Variants in TRNAU1AP observed in about 807,000 individuals in gnomAD.
The protein encoded by TRNAU1AP is tRNA selenocysteine 1-associated protein 1.
A neutral mutation model predicts 43.3 loss-of-function variants in TRNAU1AP; 33 were observed. That is an observed-to-expected ratio of 0.76 (90% confidence interval 0.58 to 1.02). TRNAU1AP has a LOEUF of 1.02. Among genes scored for constraint, TRNAU1AP ranks in the 50% least tolerant of loss-of-function variants. The probability of loss-of-function intolerance (pLI) is 0.00; values close to 1 mark genes in which losing one functional copy is unlikely to be tolerated. For synonymous variants in TRNAU1AP, 143 were observed against 129.1 expected (o/e 1.11, Z -0.73); for missense variants, 290 against 362.7 (o/e 0.80, Z 1.63).
chr1:28,553,566 C>A, intron 1 of TRNAU1AP, 74 bp from the exon 2 acceptor site: 2 of 1,428,110 alleles, frequency 1.4e-6, no homozygotes, highest in Admixed American at 1.8e-5. Context: ...CTGGGCTGAA[C>A]GGGAGGGGCT....
chr1:28,577,643 C>A lies in TRNAU1AP; in HGVS notation c.*7C>A, dbSNP rs1257545812. 2 of 1,612,514 alleles carry A rather than the reference C, an allele frequency of 1.2e-6. No homozygotes were observed. Among genetic ancestry groups the A allele is most frequent in the East Asian group, 4.5e-5 (2 of 44,832 alleles). On this transcript the variant is annotated 3_prime_UTR_variant, in exon 9 of 9. Coordinates refer to ENST00000373830, the MANE Select transcript of TRNAU1AP (RefSeq NM_017846.5). ...GATCCCTGCCATGATGTAGCCAGGC[C>A]AAAGGACAAGCCAGGTTGCATGATG...
In TRNAU1AP at chr1:28,573,644, G is replaced by A. The variant is rs1016033204; in HGVS notation, c.727+1744G>A. Among the ~76,000 whole-genome samples, 3 of 151,988 alleles carry A rather than the reference G, an allele frequency of 2.0e-5. No individual in the cohort carries two copies. In the East Asian group the frequency reaches 5.8e-4, roughly 29 times the overall value. On this transcript the variant is annotated intron_variant, in intron 8 of 8. Transcript: ENST00000373830. ...AAAAATTAGCCAGGCGTGGTGTTGCGCGCCTATAATCTCACCTCCTCAGGA... is the reference window on the plus strand; with the variant it reads ...AAAAATTAGCCAGGCGTGGTGTTGCACGCCTATAATCTCACCTCCTCAGGA...
At chr1:28,571,580 A>G (rs983881878) in intron 7 of TRNAU1AP, among the ~76,000 whole-genome samples, 7 of 152,016 alleles carry the variant, frequency 4.6e-5, no homozygotes, top group African/African-American at 1.7e-4. Flanking sequence ...TCAGGAGTTC[A>G]AAACCAGCCT....
intron 8 of TRNAU1AP, among the ~76,000 whole-genome samples, chr1:28,573,158 C>T (rs546765875): frequency 4.0e-5 from 6 of 149,062 alleles, no homozygotes; most frequent in East Asian, 2.0e-4. Context: ...CTCAGCCTCC[C>T]GAAGAGCTGG....
intron 2 of TRNAU1AP, 30 bp downstream of exon 2, chr1:28,553,767 C>T (rs748114803): frequency 1.9e-6 from 3 of 1,572,370 alleles, no homozygotes. Context: ...TCTCTTAATA[C>T]ATCTCGTTGC....
chr1:28,553,376 A>G, intron 1 of TRNAU1AP: 1 of 626,260 alleles, frequency 1.6e-6, no homozygotes. Flanking sequence ...CTTTGGGGAC[A>G]TAGAATGGGA....
chr1:28,558,666 G>A (rs1287831874), intron 2 of TRNAU1AP, among the ~76,000 whole-genome samples: 3 of 149,514 alleles, frequency 2.0e-5, no homozygotes, highest in African/African-American at 4.9e-5. Flanking sequence ...CTGGGTTCAC[G>A]CCATTCTCCT....
At chr1:28,561,542 C>T (rs1665404950) in intron 4 of TRNAU1AP, 144 bp downstream of exon 4, 1 of 919,942 alleles carries the variant, frequency 1.1e-6, no homozygotes, top group East Asian at 2.6e-5. Flanking sequence ...GGTGGACCTT[C>T]CTGGTGTGCT....
intron 4 of TRNAU1AP, among the ~76,000 whole-genome samples, chr1:28,562,833 A>G (rs1012133170): frequency 6.6e-6 from 1 of 151,012 alleles, no homozygotes; most frequent in Non-Finnish European, 1.5e-5. Flanking sequence ...TGCCCACCTC[A>G]GCCTCCCGAA....
At chr1:28,557,949 G>A (rs1665311060) in intron 2 of TRNAU1AP, among the ~76,000 whole-genome samples, 1 of 150,634 alleles carries the variant, frequency 6.6e-6, no homozygotes, top group Non-Finnish European at 1.5e-5. Flanking sequence ...AGGCTGGAGT[G>A]CAGTGGAATG....
chr1:28,560,537 A>G, intron 2 of TRNAU1AP, 96 bp from the exon 3 acceptor site: 1 of 988,436 alleles, frequency 1.0e-6, no homozygotes, highest in Non-Finnish European at 1.5e-6. Context: ...TGGCCTCCCA[A>G]ACTGTTGGGA....
At chr1:28,571,924 T>C (rs1665670272) in intron 8 of TRNAU1AP, 24 bp downstream of exon 8, 1 of 1,606,698 alleles carries the variant, frequency 6.2e-7, no homozygotes, top group South Asian at 1.1e-5. Context: ...CGTTCCTTAC[T>C]CTGTCAGCCA....
intron 2 of TRNAU1AP, among the ~76,000 whole-genome samples, chr1:28,559,715 T>C (rs1665362813): frequency 6.6e-6 from 1 of 152,196 alleles, no homozygotes; most frequent in South Asian, 2.1e-4. Flanking sequence ...TGTGGTGTTT[T>C]GCATAGTCTA....
In TRNAU1AP at chr1:28,561,895, A is replaced by C. The variant is rs527897604; in HGVS notation, c.278+497A>C. 1.1e-3 allele frequency among the ~76,000 whole-genome samples: 172 copies of C among 152,218 alleles called. 5 individuals are homozygous for C. Among genetic ancestry groups the C allele is most frequent in the Non-Finnish European group, 3.1e-4 (21 of 68,010 alleles). On this transcript the variant is annotated intron_variant, in intron 4 of 8. Transcript: ENST00000373830. The stretch of plus-strand genomic sequence containing the variant: ...AGACCATCCTGGCTAACACGGTGAA[A>C]CCCCGTCTCTACTAAAAATACAACA...
intron 8 of TRNAU1AP, among the ~76,000 whole-genome samples, chr1:28,575,800 C>G (rs1045833060): frequency 6.7e-6 from 1 of 150,178 alleles, no homozygotes; most frequent in South Asian, 2.1e-4. Flanking sequence ...TCAGGTGGTC[C>G]GCCCACCTTG....
chr1:28,553,103 G>A lies in TRNAU1AP; in HGVS notation c.-8G>A, dbSNP rs1183664465. The A allele has an allele frequency of 2.0e-6, 3 of 1,523,722 alleles. No individual in the cohort carries two copies. The highest frequency in any genetic ancestry group is 2.6e-6 in the Non-Finnish European group (3 of 1,134,314). 94.4% of individuals were successfully genotyped at this position (1,523,722 alleles called of 1,614,324 possible). ...CCCGCCCGCAAAGCCCCACCCCGGTGCGCGGGTATGGCGGCCAGCCTGTGG... is the reference window on the plus strand; with the variant it reads ...CCCGCCCGCAAAGCCCCACCCCGGTACGCGGGTATGGCGGCCAGCCTGTGG... On this transcript the variant is annotated 5_prime_UTR_variant, in exon 1 of 9. Transcript: ENST00000373830.
chr1:28,567,575 T>C lies in TRNAU1AP; in HGVS notation c.530+162T>C, dbSNP rs112728831. On this transcript the variant is annotated intron_variant, in intron 6 of 8. Transcript: ENST00000373830. ...CTGCTGTTTGCCAGGCTGTGGGTGC[T>C]GGGGTTGAACTAGCCCCACTCCTGC... is the stretch of plus-strand genomic sequence containing the variant. 7.9e-4 allele frequency among the ~76,000 whole-genome samples: 120 copies of C among 152,216 alleles called. 1 individual carries two copies. The highest frequency in any genetic ancestry group is 2.8e-3 in the African/African-American group (117 of 41,542).
chr1:28,561,148 G>C, intron 3 of TRNAU1AP, 198 bp from the exon 4 acceptor site: 1 of 1,421,646 alleles, frequency 7.0e-7, no homozygotes, highest in East Asian at 2.6e-5. Context: ...TGGCACACCT[G>C]GGCTCATAGA....
chr1:28,572,942 A>G (rs1259689921), intron 8 of TRNAU1AP, among the ~76,000 whole-genome samples: 2 of 152,076 alleles, frequency 1.3e-5, no homozygotes, highest in Non-Finnish European at 1.5e-5. Flanking sequence ...CTCAAAAAAA[A>G]AGAAAAAGAA....
Sources: gnomAD v4.1 joint callset for allele counts (sites outside exome capture counted in the v4.1 genomes callset) on GRCh38, gnomAD v4.1.1 for gene constraint, MANE v1.5 for transcripts, NCBI Gene and HGNC (gene_info 2026-07-23, HGNC 2026-07-21) for gene names.